Variants in CSMD1 observed in about 807,000 individuals in gnomAD.
CSMD1 encodes the protein CUB and Sushi multiple domains 1.
CSMD1 carries 213 observed loss-of-function variants against 417.5 expected under a neutral mutation model. That is an observed-to-expected ratio of 0.51 (90% CI 0.46 to 0.57). CSMD1 has a LOEUF of 0.57. CSMD1 is among the 20% of genes least tolerant of loss of function. CSMD1 has a pLI of 0.00. For synonymous variants in CSMD1, 2,862 were observed against 1,736.8 expected (o/e 1.65, Z -16.11); for missense variants, 6,923 against 4,529.7 (o/e 1.53, Z -15.17).
intron 3 of CSMD1, among the ~76,000 whole-genome samples, chr8:4,096,135 G>C (rs368661008): frequency 6.6e-6 from 1 of 152,096 alleles, no homozygotes; most frequent in Non-Finnish European, 1.5e-5. Context: ...CAGGGTCCTA[G>C]ATGTTCTATA....
At chr8:3,274,864 GGT>G in intron 26 of CSMD1, among the ~76,000 whole-genome samples, 1 of 152,056 alleles carries the variant, frequency 6.6e-6, no homozygotes, top group East Asian at 1.9e-4. Flanking sequence ...CACACTGATG[GGT>G]CTTGACTCTG....
chr8:4,446,072 G>A (rs545679005), intron 2 of CSMD1, among the ~76,000 whole-genome samples: 10 of 152,318 alleles, frequency 6.6e-5, no homozygotes, highest in South Asian at 2.1e-4. Context: ...CTGTTTCATA[G>A]GCGGAAGGGC....
chr8:4,127,027 C>G (rs1020524275), intron 3 of CSMD1, among the ~76,000 whole-genome samples: 1 of 152,134 alleles, frequency 6.6e-6, no homozygotes, highest in Non-Finnish European at 1.5e-5. Flanking sequence ...TATATATACC[C>G]TGGCCTCCAA....
intron 5 of CSMD1, among the ~76,000 whole-genome samples, chr8:3,841,565 T>C (rs957355047): frequency 7.2e-5 from 11 of 152,124 alleles, no homozygotes; most frequent in African/African-American, 2.7e-4. Flanking sequence ...AATTAAATTG[T>C]TTATCACAAA....
intron 5 of CSMD1, among the ~76,000 whole-genome samples, chr8:3,793,502 C>A (rs1478105746): frequency 1.3e-5 from 2 of 150,308 alleles, no homozygotes; most frequent in East Asian, 2.0e-4. Context: ...CTTGTGCCCC[C>A]CTCTCTAGGT....
At chr8:3,460,546 T>G (rs972180220) in intron 12 of CSMD1, among the ~76,000 whole-genome samples, 15 of 152,114 alleles carry the variant, frequency 9.9e-5, no homozygotes, top group South Asian at 4.2e-4. Flanking sequence ...GAAATGAAGT[T>G]TCGACCACTA....
intron 2 of CSMD1, among the ~76,000 whole-genome samples, chr8:4,427,261 A>T (rs560872732): frequency 3.3e-5 from 5 of 152,140 alleles, no homozygotes; most frequent in Non-Finnish European, 7.4e-5. Context: ...AGTCCAAGAG[A>T]TCACTTGAGT....
chr8:3,916,729 T>C (rs1808854450), intron 5 of CSMD1, among the ~76,000 whole-genome samples: 1 of 152,098 alleles, frequency 6.6e-6, no homozygotes, highest in Admixed American at 6.5e-5. Context: ...AAAGTAGAGA[T>C]AATCATTGAG....
At chr8:4,064,552 T>G (rs1055737480) in intron 3 of CSMD1, among the ~76,000 whole-genome samples, 1 of 152,220 alleles carries the variant, frequency 6.6e-6, no homozygotes, top group Non-Finnish European at 1.5e-5. Flanking sequence ...TGCATCGATG[T>G]CAACACACAG....
intron 26 of CSMD1, among the ~76,000 whole-genome samples, chr8:3,250,780 T>C (rs1016292140): frequency 2.6e-5 from 4 of 152,200 alleles, no homozygotes; most frequent in African/African-American, 9.6e-5. Context: ...CGATATCTCA[T>C]TGTGGTTTTG....
chr8:4,043,284 T>G (rs748328545), intron 3 of CSMD1, among the ~76,000 whole-genome samples: 1 of 151,734 alleles, frequency 6.6e-6, no homozygotes, highest in African/African-American at 2.4e-5. Context: ...TCACAGAAAG[T>G]ACCCAATCCA....
chr8:3,501,926 C>T (rs1417874804), intron 10 of CSMD1, among the ~76,000 whole-genome samples: 4 of 152,026 alleles, frequency 2.6e-5, no homozygotes, highest in East Asian at 1.9e-4. Context: ...GATAAATATA[C>T]GTTTAAATTT....
intron 6 of CSMD1, among the ~76,000 whole-genome samples, chr8:3,708,930 A>G (rs535292361): frequency 6.6e-6 from 1 of 152,278 alleles, no homozygotes; most frequent in Non-Finnish European, 1.5e-5. Context: ...GTATTCATAT[A>G]TTCATTTACT....
intron 5 of CSMD1, among the ~76,000 whole-genome samples, chr8:3,796,916 G>C (rs1800185772): frequency 6.6e-6 from 1 of 151,546 alleles, no homozygotes; most frequent in African/African-American, 2.4e-5. Context: ...ACTCATTATA[G>C]CCTAATGAAG....
chr8:4,426,990 A>G (rs1797596643), intron 2 of CSMD1, among the ~76,000 whole-genome samples: 1 of 152,052 alleles, frequency 6.6e-6, no homozygotes, highest in South Asian at 2.1e-4. Flanking sequence ...GATGGGGACA[A>G]TTTAGATATC....
At chr8:4,472,771 A>G (rs779409566) in intron 2 of CSMD1, among the ~76,000 whole-genome samples, 6 of 152,120 alleles carry the variant, frequency 3.9e-5, no homozygotes, top group African/African-American at 1.2e-4. Context: ...ATAGAAAGTT[A>G]TTTTAAAATA....
intron 5 of CSMD1, among the ~76,000 whole-genome samples, chr8:3,813,442 T>C (rs921930834): frequency 1.3e-5 from 2 of 152,122 alleles, no homozygotes. Context: ...TTTAATTAAG[T>C]CTATAAGCAT....
intron 16 of CSMD1, among the ~76,000 whole-genome samples, chr8:3,396,757 A>T (rs1213065337): frequency 6.6e-6 from 1 of 152,156 alleles, no homozygotes; most frequent in Admixed American, 6.5e-5. Flanking sequence ...ATATTTTTAA[A>T]CTATTTTTAC....
chr8:3,778,091 C>T (rs550305016), intron 5 of CSMD1, among the ~76,000 whole-genome samples: 3 of 152,210 alleles, frequency 2.0e-5, no homozygotes, highest in Admixed American at 2.0e-4. Context: ...TTGAGAGCTG[C>T]TGGCCCAGAG....
Sources: gnomAD v4.1 joint callset for allele counts (sites outside exome capture counted in the v4.1 genomes callset) on GRCh38, gnomAD v4.1.1 for gene constraint, MANE v1.5 for transcripts, NCBI Gene and HGNC (gene_info 2026-07-23, HGNC 2026-07-21) for gene names.